Variants in MIPOL1 observed in about 807,000 individuals in gnomAD.
The protein encoded by MIPOL1 is mirror-image polydactyly 1.
In MIPOL1, 57 loss-of-function variants were observed where a neutral mutation model predicts 60.9. That is an observed-to-expected ratio of 0.94 (90% CI 0.76 to 1.17). The LOEUF (loss-of-function observed/expected upper bound fraction) is 1.17, where lower values mean the gene tolerates loss of function less well. MIPOL1 is among the 50% of genes most tolerant of loss of function. MIPOL1 has a pLI of 0.00. For synonymous variants in MIPOL1, 179 were observed against 168.8 expected (o/e 1.06, Z -0.47); for missense variants, 551 against 511.6 (o/e 1.08, Z -0.74).
chr14:37,302,262 GTTT>G (rs57468146), intron 7 of MIPOL1, among the ~76,000 whole-genome samples: 5 of 95,050 alleles, frequency 5.3e-5, no homozygotes, highest in African/African-American at 1.1e-4. Context: ...TGGAACTGTT[GTTT>G]TTTTTTTTTT....
chr14:37,251,948 C>A (rs537495314), intron 3 of MIPOL1, among the ~76,000 whole-genome samples: 26 of 151,554 alleles, frequency 1.7e-4, no homozygotes, highest in Non-Finnish European at 3.2e-4. Flanking sequence ...AAATTTAGAA[C>A]CTTTAGGGGT....
At chr14:37,342,795 A>G (rs2090670289) in intron 9 of MIPOL1, among the ~76,000 whole-genome samples, 1 of 152,162 alleles carries the variant, frequency 6.6e-6, no homozygotes, top group Non-Finnish European at 1.5e-5. Context: ...AGCTTACTAA[A>G]TAAATAGCTA....
chr14:37,264,383 T>C (rs1261980386), intron 3 of MIPOL1, among the ~76,000 whole-genome samples: 1 of 151,576 alleles, frequency 6.6e-6, no homozygotes, highest in Non-Finnish European at 1.5e-5. Flanking sequence ...CCCAATACTT[T>C]GGGAGGCAGA....
rs10138068 is a variant in MIPOL1, at chr14:37,455,016, A to G, written c.1031+32067A>G. ...TACTCCTCTGGATTTTTTAACCCCA[A>G]CCTGTATGCTGATGACTCCCAAATG... is the stretch of plus-strand genomic sequence containing the variant. On this transcript the variant is annotated intron_variant, in intron 11 of 12. Transcript: ENST00000684589. Among the ~76,000 whole-genome samples the G allele has an allele frequency of 2.5e-3, 374 of 152,144 alleles. 1 individual carries two copies. The highest frequency in any genetic ancestry group is 8.6e-3 in the African/African-American group (355 of 41,520).
intron 9 of MIPOL1, among the ~76,000 whole-genome samples, chr14:37,350,471 G>T (rs906746559): frequency 2.7e-5 from 4 of 150,542 alleles, no homozygotes; most frequent in African/African-American, 7.3e-5. Flanking sequence ...AATTTTTGTG[G>T]GTACATAGTA....
chr14:37,496,871 T>C (rs2095138733), intron 11 of MIPOL1, among the ~76,000 whole-genome samples: 2 of 152,028 alleles, frequency 1.3e-5, no homozygotes, highest in Admixed American at 1.3e-4. Flanking sequence ...AGAACAAAGC[T>C]GGAGGCATCA....
intron 11 of MIPOL1, among the ~76,000 whole-genome samples, chr14:37,465,546 A>G (rs2094587797): frequency 6.6e-6 from 1 of 152,112 alleles, no homozygotes; most frequent in African/African-American, 2.4e-5. Flanking sequence ...ACTGAACTTT[A>G]ATGATTTTAT....
intron 9 of MIPOL1, among the ~76,000 whole-genome samples, chr14:37,340,943 C>A (rs1388619177): frequency 2.0e-5 from 3 of 151,946 alleles, no homozygotes; most frequent in African/African-American, 7.3e-5. Context: ...ATTTTCATAC[C>A]TTTTCTATGT....
chr14:37,420,547 AAT>A (rs2093853746), intron 10 of MIPOL1, among the ~76,000 whole-genome samples: 1 of 152,166 alleles, frequency 6.6e-6, no homozygotes. Context: ...CAATCTAGGA[AAT>A]ACTATAGAAG....
chr14:37,318,371 A>C (rs574506318), intron 9 of MIPOL1, among the ~76,000 whole-genome samples: 3 of 152,316 alleles, frequency 2.0e-5, no homozygotes, highest in South Asian at 2.1e-4. Context: ...ATAAAGCATA[A>C]CATTTAGAGT....
chr14:37,330,596 T>C (rs4558311), intron 9 of MIPOL1, among the ~76,000 whole-genome samples: 9,576 of 152,166 alleles, frequency 0.063, 546 homozygotes, highest in East Asian at 0.32. Context: ...CCAATGGCTA[T>C]CCCAGCAGGT....
intron 9 of MIPOL1, among the ~76,000 whole-genome samples, chr14:37,324,260 G>A (rs781737132): frequency 3.9e-5 from 6 of 151,978 alleles, no homozygotes; most frequent in Non-Finnish European, 7.4e-5. Context: ...AGCTATTTTA[G>A]TAGGCATGTA....
chr14:37,312,045 A>G (rs61988347), intron 9 of MIPOL1, among the ~76,000 whole-genome samples: 33,305 of 147,860 alleles, frequency 0.23, 4,133 homozygotes, highest in South Asian at 0.37. Context: ...TCTCATGATT[A>G]AAGTGAGATT....
intron 9 of MIPOL1, among the ~76,000 whole-genome samples, chr14:37,356,727 G>A (rs2091868993): frequency 6.6e-6 from 1 of 152,194 alleles, no homozygotes; most frequent in Non-Finnish European, 1.5e-5. Flanking sequence ...CTGACCCCTT[G>A]CGCTTCCCGA....
At chr14:37,347,367 G>A (rs2091015996) in intron 9 of MIPOL1, among the ~76,000 whole-genome samples, 1 of 152,136 alleles carries the variant, frequency 6.6e-6, no homozygotes. Context: ...TAAAAAATAT[G>A]TGAATAAATG....
At chr14:37,225,254 T>C (rs547535849) in intron 1 of MIPOL1, among the ~76,000 whole-genome samples, 1 of 152,210 alleles carries the variant, frequency 6.6e-6, no homozygotes, top group South Asian at 2.1e-4. Flanking sequence ...TTCTCACAGC[T>C]CCACAAGGTG....
intron 3 of MIPOL1, among the ~76,000 whole-genome samples, chr14:37,255,388 C>T (rs538808677): frequency 6.6e-6 from 1 of 151,678 alleles, no homozygotes; most frequent in South Asian, 2.1e-4. Flanking sequence ...AATGTGACTT[C>T]CTGGACTTAA....
intron 11 of MIPOL1, among the ~76,000 whole-genome samples, chr14:37,427,798 G>A (rs918505897): frequency 1.7e-4 from 26 of 152,236 alleles, no homozygotes; most frequent in Non-Finnish European, 1.8e-4. Context: ...CTGGTAAATG[G>A]TGCTTACAAA....
chr14:37,348,231 G>A (rs2091085125), intron 9 of MIPOL1, among the ~76,000 whole-genome samples: 2 of 152,152 alleles, frequency 1.3e-5, no homozygotes, highest in African/African-American at 4.8e-5. Context: ...ACATGTTGCT[G>A]TAAAGGACAT....
Sources: allele counts gnomAD v4.1 joint callset (sites outside exome capture counted in the v4.1 genomes callset), GRCh38; gene constraint gnomAD v4.1.1; transcripts MANE v1.5; gene names NCBI Gene and HGNC (gene_info 2026-07-23, HGNC 2026-07-21).